OTOGL: variants seen among roughly 807,000 people sequenced by gnomAD.
OTOGL encodes the protein otogelin-like protein.
In OTOGL, 285 loss-of-function variants were observed where a neutral mutation model predicts 318.5. The observed-to-expected ratio is 0.89, with a 90% CI of 0.81 to 0.99. The LOEUF (loss-of-function observed/expected upper bound fraction) is 0.99. Ranked by LOEUF, OTOGL falls within the 50% of genes least tolerant of loss-of-function variation. The pLI, the probability that OTOGL is intolerant of heterozygous loss-of-function variation, is 0.00. For missense variants in OTOGL, 2,899 were observed against 2,845.6 expected (o/e 1.02, Z -0.43); for synonymous variants, 987 against 936.5 (o/e 1.05, Z -0.99).
At chr12:80,353,267 C>T (rs1452446657) in intron 45 of OTOGL, 58 bp from the exon 46 acceptor site, 2 of 1,202,092 alleles carry the variant, frequency 1.7e-6, no homozygotes, top group Non-Finnish European at 2.2e-6. Context: ...CTTTCTTTTA[C>T]TAGAATTTAA....
intron 11 of OTOGL, among the ~76,000 whole-genome samples, chr12:80,245,102 G>T (rs1375624621): frequency 6.4e-5 from 7 of 109,452 alleles, no homozygotes; most frequent in East Asian, 5.4e-4. Flanking sequence ...TTTCTCCCAT[G>T]TTGTAGGTTG....
intron 44 of OTOGL, among the ~76,000 whole-genome samples, chr12:80,347,776 C>A (rs139305139): frequency 6.6e-6 from 1 of 152,110 alleles, no homozygotes; most frequent in African/African-American, 2.4e-5. Flanking sequence ...ACATCCTCTC[C>A]AGCATCTGTT....
intron 39 of OTOGL, 60 bp from the exon 40 acceptor site, chr12:80,336,353 A>G: frequency 1.4e-6 from 2 of 1,468,286 alleles, no homozygotes; most frequent in Non-Finnish European, 1.8e-6. Flanking sequence ...TTAAAAGAGC[A>G]ATTATTACTG....
At chr12:80,303,402 G>A (rs1200850108) in intron 28 of OTOGL, among the ~76,000 whole-genome samples, 11 of 152,136 alleles carry the variant, frequency 7.2e-5, no homozygotes, top group African/African-American at 2.2e-4. Flanking sequence ...TGATCCACCC[G>A]CCTCGGCCTC....
At chr12:80,141,007 G>T (rs1871900223) in intron 1 of OTOGL, among the ~76,000 whole-genome samples, 1 of 152,106 alleles carries the variant, frequency 6.6e-6, no homozygotes, top group South Asian at 2.1e-4. Context: ...TCCTGATATT[G>T]TTAAAAATAG....
At chr12:80,195,852 A>T (rs549368492) in intron 1 of OTOGL, among the ~76,000 whole-genome samples, 1 of 152,350 alleles carries the variant, frequency 6.6e-6, no homozygotes, top group East Asian at 1.9e-4. Context: ...TGCAAACACT[A>T]CAAAGTAGGG....
intron 1 of OTOGL, among the ~76,000 whole-genome samples, chr12:80,186,153 A>C (rs186214051): frequency 6.8e-4 from 103 of 152,302 alleles, no homozygotes; most frequent in Non-Finnish European, 1.0e-3. Flanking sequence ...CTGAAGGGAA[A>C]ATGTGTTCAA....
chr12:80,150,942 A>G (rs888545347), intron 1 of OTOGL, among the ~76,000 whole-genome samples: 32 of 152,134 alleles, frequency 2.1e-4, no homozygotes, highest in Non-Finnish European at 1.0e-4. Context: ...GGACAAAATA[A>G]TATTTGATTT....
chr12:80,120,316 T>C (rs906203683), intron 1 of OTOGL, among the ~76,000 whole-genome samples: 1 of 152,184 alleles, frequency 6.6e-6, no homozygotes, highest in African/African-American at 2.4e-5. Flanking sequence ...AGTTTCTAAG[T>C]ATGCCAGGCA....
intron 14 of OTOGL, among the ~76,000 whole-genome samples, chr12:80,254,110 A>G (rs926681894): frequency 3.3e-5 from 5 of 152,120 alleles, no homozygotes; most frequent in Non-Finnish European, 7.4e-5. Context: ...ACATTCTCAG[A>G]TGCTGATTCT....
rs570261416 is a variant in OTOGL at position 80,193,900 on chromosome 12, C to T, written c.-19-15513C>T. ...AAAGCTTGAAGTCATCTGACACATC[C>T]GCCTCATTTTACAAAAGAAGATGCC... On this transcript the variant is annotated intron_variant, in intron 1 of 58. Coordinates refer to ENST00000547103, the MANE Select transcript of OTOGL (RefSeq NM_001378609.3). Among the ~76,000 whole-genome samples the T allele has an allele frequency of 1.2e-4, 19 of 152,240 alleles. No homozygotes were observed. In the South Asian group the frequency reaches 2.9e-3, roughly 23 times the overall value.
chr12:80,290,107 C>T (rs556952165), intron 26 of OTOGL, among the ~76,000 whole-genome samples: 2 of 152,312 alleles, frequency 1.3e-5, no homozygotes, highest in South Asian at 2.1e-4. Context: ...GATAGCACAG[C>T]CCTTCATGGC....
At chr12:80,280,681 G>T (rs1210093537) in intron 26 of OTOGL, among the ~76,000 whole-genome samples, 1 of 151,772 alleles carries the variant, frequency 6.6e-6, no homozygotes, top group Non-Finnish European at 1.5e-5. Flanking sequence ...ATGCTGTTTT[G>T]GTTGTTGTAG....
chr12:80,290,582 A>T (rs1459221312), intron 26 of OTOGL, among the ~76,000 whole-genome samples: 3 of 152,186 alleles, frequency 2.0e-5, no homozygotes, highest in African/African-American at 7.2e-5. Context: ...CCCATTGGAT[A>T]TATCATTACT....
chr12:80,166,295 C>T (rs60793724), intron 1 of OTOGL, among the ~76,000 whole-genome samples: 10,543 of 151,814 alleles, frequency 0.069, 423 homozygotes, highest in East Asian at 0.19. Flanking sequence ...TATACATACA[C>T]ACATGCATAC....
chr12:80,145,386 C>A (rs1872274264), intron 1 of OTOGL, among the ~76,000 whole-genome samples: 1 of 152,110 alleles, frequency 6.6e-6, no homozygotes, highest in African/African-American at 2.4e-5. Context: ...GGCGTTATTT[C>A]TGAGGGCTCT....
chr12:80,177,390 C>A (rs999073394), intron 1 of OTOGL, among the ~76,000 whole-genome samples: 1 of 152,086 alleles, frequency 6.6e-6, no homozygotes, highest in Non-Finnish European at 1.5e-5. Context: ...CATTGAATTG[C>A]CTCAGCACCT....
At chr12:80,193,543 A>T (rs917426639) in intron 1 of OTOGL, among the ~76,000 whole-genome samples, 1 of 152,062 alleles carries the variant, frequency 6.6e-6, no homozygotes, top group Non-Finnish European at 1.5e-5. Flanking sequence ...AATAATAATA[A>T]GGTTAGCATA....
intron 1 of OTOGL, among the ~76,000 whole-genome samples, chr12:80,151,944 T>A (rs1872809530): frequency 6.6e-6 from 1 of 152,254 alleles, no homozygotes; most frequent in Admixed American, 6.5e-5. Flanking sequence ...TATCAGTTGG[T>A]GGTATTTATT....
Sources: gnomAD v4.1 joint callset for allele counts (sites outside exome capture counted in the v4.1 genomes callset) on GRCh38, gnomAD v4.1.1 for gene constraint, MANE v1.5 for transcripts, NCBI Gene and HGNC (gene_info 2026-07-23, HGNC 2026-07-21) for gene names.